GRID1: variants seen among roughly 807,000 people sequenced by gnomAD.
GRID1 encodes the protein glutamate receptor ionotropic, delta-1.
Under a neutral mutation model 98.0 loss-of-function variants are expected in GRID1, and 28 were observed. That is an observed-to-expected ratio of 0.29 (90% confidence interval 0.21 to 0.39). The LOEUF (loss-of-function observed/expected upper bound fraction) is 0.39. GRID1 is among the 10% of genes least tolerant of loss of function. The pLI, the probability that GRID1 is intolerant of heterozygous loss-of-function variation, is 1.00. For synonymous variants in GRID1, 553 were observed against 538.5 expected, an observed-to-expected ratio of 1.03 and a Z score of -0.37; for missense variants, 1,111 against 1,340.5, an observed-to-expected ratio of 0.83 and a Z score of 2.67.
Position 86,158,566 on chromosome 10 carries a change from A to G in GRID1, c.521-19542T>C, listed in dbSNP as rs529395093. Among the ~76,000 whole-genome samples, 35 of 152,328 alleles carry G rather than the reference A, an allele frequency of 2.3e-4. 1 individual carries two copies. The South Asian group carries it at 7.3e-3, about 32-fold the overall frequency. On this transcript the variant is annotated intron_variant, in intron 3 of 15. Coordinates refer to ENST00000327946, the MANE Select transcript of GRID1 (RefSeq NM_017551.3). The stretch of plus-strand genomic sequence containing the variant: ...AGGGCTCCCAGACCAAAACAAGCAC[A>G]TGTGTGAGGTCACGGAGGTACCACA...
chr10:86,014,526 G>A (rs1417095396), intron 4 of GRID1, among the ~76,000 whole-genome samples: 3 of 152,158 alleles, frequency 2.0e-5, no homozygotes, highest in East Asian at 3.8e-4. Context: ...TCACCAGAAG[G>A]CTTCTCCTTG....
intron 4 of GRID1, among the ~76,000 whole-genome samples, chr10:86,053,510 C>A (rs150483033): frequency 7.9e-5 from 12 of 152,134 alleles, no homozygotes; most frequent in African/African-American, 2.9e-4. Context: ...AGGCATGCGC[C>A]ACCATGCCTG....
At chr10:86,104,071 C>G (rs1439371158) in intron 4 of GRID1, among the ~76,000 whole-genome samples, 1 of 152,192 alleles carries the variant, frequency 6.6e-6, no homozygotes, top group Non-Finnish European at 1.5e-5. Flanking sequence ...CATACTTGTT[C>G]CAGTCTGGCA....
chr10:85,832,989 T>C (rs1164749908), intron 8 of GRID1, among the ~76,000 whole-genome samples: 1 of 151,998 alleles, frequency 6.6e-6, no homozygotes, highest in African/African-American at 2.4e-5. Flanking sequence ...CAAGGAGATC[T>C]CATCATTATT....
Position 85,599,802 on chromosome 10 carries a change from A to AAAAAAAAATATATAT in GRID1, c.*2470_*2471insATATATATTTTTTTT. ...GTAGAAAATTCTAAAAAAAAAAAAA[A>AAAAAAAAATATATAT]ATATATATATATATATATAAACATG... On this transcript the variant is annotated 3_prime_UTR_variant, in exon 16 of 16. Coordinates refer to ENST00000327946, the MANE Select transcript of GRID1 (RefSeq NM_017551.3). 1 of 64,998 alleles carries AAAAAAAAATATATAT rather than the reference A, an allele frequency of 1.5e-5. No individual in the cohort carries two copies. The highest frequency in any genetic ancestry group is 9.3e-5 in the African/African-American group (1 of 10,728). 4.0% of individuals were successfully genotyped at this position (64,998 alleles called of 1,614,324 possible).
chr10:85,845,920 C>A (rs556869707), intron 8 of GRID1, among the ~76,000 whole-genome samples: 1 of 151,900 alleles, frequency 6.6e-6, no homozygotes, highest in Non-Finnish European at 1.5e-5. Context: ...ACAGGAAAAA[C>A]CTAATTAAGG....
rs112756667 is a variant in GRID1 at position 85,862,156 on chromosome 10, A to G, written c.952-5966T>C. ...GCCTGTGCACATGCCAGTTTCCCTA[A>G]TCAGGACCTGCTACAACATGGAAAT... is the stretch of plus-strand genomic sequence containing the variant. On this transcript the variant is annotated intron_variant, in intron 6 of 15. Transcript: ENST00000327946. Among the ~76,000 whole-genome samples the G allele has an allele frequency of 3.2e-3, 486 of 152,278 alleles. 2 individuals are homozygous for G. The highest frequency in any genetic ancestry group is 0.011 in the African/African-American group (449 of 41,556).
intron 3 of GRID1, among the ~76,000 whole-genome samples, chr10:86,200,743 G>A (rs1022742047): frequency 2.0e-5 from 3 of 151,962 alleles, no homozygotes; most frequent in African/African-American, 7.3e-5. Context: ...GAAAAGGCTC[G>A]ATTTTAAAAA....
chr10:85,652,064 C>G (rs188015064), intron 12 of GRID1, among the ~76,000 whole-genome samples: 1 of 152,270 alleles, frequency 6.6e-6, no homozygotes, highest in African/African-American at 2.4e-5. Flanking sequence ...GATTGTCTTG[C>G]AAAAGGACTT....
At chr10:86,116,363 A>G (rs1844578830) in intron 4 of GRID1, among the ~76,000 whole-genome samples, 1 of 152,288 alleles carries the variant, frequency 6.6e-6, no homozygotes, top group East Asian at 1.9e-4. Flanking sequence ...TACCCCTAGA[A>G]TCTGTCAGGC....
rs1377415712 is a variant in GRID1, at chr10:86,135,798, C to T, written c.726+3021G>A. Among the ~76,000 whole-genome samples the T allele has an allele frequency of 3.3e-5, 5 of 152,260 alleles. No individual in the cohort carries two copies. In the East Asian group the frequency reaches 9.6e-4, roughly 29 times the overall value. On this transcript the variant is annotated intron_variant, in intron 4 of 15. Coordinates refer to ENST00000327946, the MANE Select transcript of GRID1 (RefSeq NM_017551.3). ...CATGTGCCCCCAGGCCAACAGCCAC[C>T]TTCAGTGAATGAATGCCATTTTGCA...
rs374916739 is a variant in GRID1, at chr10:86,164,147, C to T, written c.521-25123G>A. Reference sequence around the variant, plus strand: ...GTGTGAGCTCAGTGAATAGATTACCCGCTTCAATTATTTTATCTAACGATG... The same window carrying T: ...GTGTGAGCTCAGTGAATAGATTACCTGCTTCAATTATTTTATCTAACGATG... On this transcript the variant is annotated intron_variant, in intron 3 of 15. Transcript: ENST00000327946. Among the ~76,000 whole-genome samples the T allele has an allele frequency of 3.5e-4, 54 of 152,320 alleles. 1 individual carries two copies. The East Asian group carries it at 4.4e-3, about 13-fold the overall frequency.
intron 8 of GRID1, among the ~76,000 whole-genome samples, chr10:85,803,277 G>A (rs1842593924): frequency 6.6e-6 from 1 of 151,946 alleles, no homozygotes; most frequent in South Asian, 2.1e-4. Context: ...TTGAGAGGAT[G>A]GATACATTCC....
chr10:85,742,378 G>A (rs371104646), intron 8 of GRID1, among the ~76,000 whole-genome samples: 2 of 152,008 alleles, frequency 1.3e-5, no homozygotes, highest in African/African-American at 2.4e-5. Context: ...GAAATTAAGC[G>A]GCAGGCTGCA....
intron 2 of GRID1, among the ~76,000 whole-genome samples, chr10:86,275,704 A>G (rs1902688): frequency 0.041 from 6,281 of 152,256 alleles, 242 homozygotes; most frequent in Admixed American, 0.11. Context: ...TAAAGATAGG[A>G]CAACTGAAAT....
At chr10:85,818,031 G>T (rs1416231315) in intron 8 of GRID1, among the ~76,000 whole-genome samples, 1 of 152,206 alleles carries the variant, frequency 6.6e-6, no homozygotes, top group Non-Finnish European at 1.5e-5. Context: ...CAAAAGAATT[G>T]TATTTAAATG....
In GRID1 at chr10:86,252,539, C is replaced by G. The variant is rs57164131; in HGVS notation, c.236-45891G>C. ...AAATAAATACGTGGTTTGACACCAT[C>G]TCTACTTTGGTGTGCAAATTCTGTA... On this transcript the variant is annotated intron_variant, in intron 2 of 15. Coordinates refer to ENST00000327946, the MANE Select transcript of GRID1 (RefSeq NM_017551.3). 8.7e-3 allele frequency among the ~76,000 whole-genome samples: 1,329 copies of G among 152,326 alleles called. 32 individuals carry two copies. The highest frequency in any genetic ancestry group is 0.02 in the East Asian group (102 of 5,192).
At chr10:85,752,534 C>T (rs1020563104) in intron 8 of GRID1, among the ~76,000 whole-genome samples, 6 of 152,056 alleles carry the variant, frequency 3.9e-5, no homozygotes, top group Non-Finnish European at 5.9e-5. Context: ...TCTTGCCTGA[C>T]TTGAGAGATC....
chr10:86,242,807 C>A (rs944256572), intron 2 of GRID1, among the ~76,000 whole-genome samples: 3 of 152,176 alleles, frequency 2.0e-5, no homozygotes, highest in Non-Finnish European at 4.4e-5. Context: ...GTAATGACAT[C>A]CAGGCCACAG....
Sources: gnomAD v4.1 joint callset for allele counts (sites outside exome capture counted in the v4.1 genomes callset) on GRCh38, gnomAD v4.1.1 for gene constraint, MANE v1.5 for transcripts, NCBI Gene and HGNC (gene_info 2026-07-23, HGNC 2026-07-21) for gene names.